Variants in ERC2 observed in about 807,000 individuals in gnomAD.
ERC2 encodes ELKS/RAB6-interacting/CAST family member 2.
In ERC2, 42 loss-of-function variants were observed where a neutral mutation model predicts 114.8. That is an observed-to-expected ratio of 0.37 (90% CI 0.29 to 0.47). ERC2 has a LOEUF of 0.47. ERC2 is among the 20% of genes least tolerant of loss of function. ERC2 has a pLI of 0.99. For missense variants in ERC2, 939 were observed against 1,150.7 expected (o/e 0.82, Z 2.66); for synonymous variants, 454 against 425.5 (o/e 1.07, Z -0.82).
rs367920861 is a variant in ERC2, at chr3:55,632,904, C to T, written c.*39+50890G>A. ...AGGCTAAAGGGTCCCAAATTAGTTTCGCCAGGACTAAACCACAAGTGTTCA... is the reference window on the plus strand; with the variant it reads ...AGGCTAAAGGGTCCCAAATTAGTTTTGCCAGGACTAAACCACAAGTGTTCA... On this transcript the variant is annotated intron_variant, in intron 17 of 17. Coordinates refer to ENST00000288221, the MANE Select transcript of ERC2 (RefSeq NM_015576.3). 1.6e-4 allele frequency among the ~76,000 whole-genome samples: 25 copies of T among 152,314 alleles called. No homozygotes were observed. In the East Asian group the frequency reaches 2.3e-3, roughly 14 times the overall value.
chr3:56,315,270 A>G (rs372366153), intron 2 of ERC2, among the ~76,000 whole-genome samples: 23 of 152,380 alleles, frequency 1.5e-4, no homozygotes, highest in African/African-American at 5.5e-4. Flanking sequence ...TTTTTCCTAA[A>G]AATCTATGTG....
chr3:56,467,740 T>G (rs1211834288), intron 1 of ERC2, among the ~76,000 whole-genome samples: 1 of 151,620 alleles, frequency 6.6e-6, no homozygotes, highest in Non-Finnish European at 1.5e-5. Flanking sequence ...TAAAAAAAAA[T>G]ATGCTCCCCT....
intron 17 of ERC2, among the ~76,000 whole-genome samples, chr3:55,525,490 G>A (rs1320280463): frequency 6.6e-6 from 1 of 152,210 alleles, no homozygotes; most frequent in Admixed American, 6.5e-5. Context: ...CCTCATAGAA[G>A]ATGACTTCCA....
intron 17 of ERC2, among the ~76,000 whole-genome samples, chr3:55,551,826 C>A (rs1473264341): frequency 1.3e-5 from 2 of 152,218 alleles, no homozygotes; most frequent in African/African-American, 4.8e-5. Flanking sequence ...GTTTGACCAA[C>A]TATCTGGGCA....
chr3:56,249,019 A>G (rs1006944025), intron 3 of ERC2, among the ~76,000 whole-genome samples: 4 of 152,230 alleles, frequency 2.6e-5, no homozygotes, highest in South Asian at 4.1e-4. Flanking sequence ...CTGTTAATGC[A>G]AAGTATAGTA....
chr3:56,397,922 A>AG (rs1345749040), intron 2 of ERC2, among the ~76,000 whole-genome samples: 1 of 152,180 alleles, frequency 6.6e-6, no homozygotes. Context: ...CAGCAGAAGA[A>AG]GGGGGGACAA....
chr3:56,241,689 C>T (rs1252706527), intron 3 of ERC2, among the ~76,000 whole-genome samples: 1 of 152,124 alleles, frequency 6.6e-6, no homozygotes, highest in Non-Finnish European at 1.5e-5. Context: ...CGAGTCTTTC[C>T]CTTACTACTT....
chr3:55,536,690 A>G (rs554038488), intron 17 of ERC2, among the ~76,000 whole-genome samples: 7 of 152,350 alleles, frequency 4.6e-5, no homozygotes, highest in African/African-American at 1.7e-4. Flanking sequence ...CTAAGGGGCT[A>G]CACTAAACAA....
intron 15 of ERC2, among the ~76,000 whole-genome samples, chr3:55,715,038 A>G (rs2064031562): frequency 6.6e-6 from 1 of 152,098 alleles, no homozygotes; most frequent in African/African-American, 2.4e-5. Context: ...AGTCCATTCA[A>G]TGGAGCACCC....
intron 3 of ERC2, among the ~76,000 whole-genome samples, chr3:56,259,068 G>A (rs1379075155): frequency 6.6e-6 from 1 of 151,040 alleles, no homozygotes; most frequent in Non-Finnish European, 1.5e-5. Flanking sequence ...CCACCTACCA[G>A]GTTCAAGTGA....
intron 3 of ERC2, among the ~76,000 whole-genome samples, chr3:56,216,722 C>T (rs112372663): frequency 1.2e-3 from 189 of 152,298 alleles, no homozygotes; most frequent in African/African-American, 4.4e-3. Flanking sequence ...CCTTGAGGAA[C>T]ATCGATGCAA....
intron 2 of ERC2, among the ~76,000 whole-genome samples, chr3:56,409,470 T>C (rs2060855685): frequency 6.6e-6 from 1 of 150,806 alleles, no homozygotes; most frequent in Non-Finnish European, 1.5e-5. Context: ...AAAAAAACCA[T>C]TGCATTGTTT....
At chr3:55,616,337 A>C (rs565178965) in intron 17 of ERC2, among the ~76,000 whole-genome samples, 1 of 152,308 alleles carries the variant, frequency 6.6e-6, no homozygotes, top group East Asian at 1.9e-4. Context: ...TACAATGGCC[A>C]GTTGTGGAAA....
intron 15 of ERC2, among the ~76,000 whole-genome samples, chr3:55,708,404 C>T (rs1057160725): frequency 6.6e-5 from 10 of 152,166 alleles, no homozygotes; most frequent in Non-Finnish European, 1.2e-4. Context: ...CTTAGTTAAG[C>T]GCAGGTCTGT....
At chr3:55,969,587 G>T (rs2149482752) in intron 12 of ERC2, among the ~76,000 whole-genome samples, 1 of 152,316 alleles carries the variant, frequency 6.6e-6, no homozygotes, top group Non-Finnish European at 1.5e-5. Context: ...TTGACCTGCA[G>T]TAAGCCAGCC....
In ERC2 at chr3:55,509,576, G is replaced by C. The variant is rs1240170129; in HGVS notation, c.*1740C>G. On this transcript the variant is annotated 3_prime_UTR_variant, in exon 18 of 18. Transcript: ENST00000288221. ...TACATAGTTTGTTATACTTACTGAT[G>C]ACAAGAACAAAGCCAGAAGCAAGAA... 6.6e-6 allele frequency: 1 copy of C among 152,562 alleles called. No individual in the cohort carries two copies. The highest frequency in any genetic ancestry group is 2.4e-5 in the African/African-American group (1 of 41,454). The allele number at this position is 152,562 out of a possible 1,614,324, so 9.5% of individuals were successfully genotyped here.
intron 13 of ERC2, among the ~76,000 whole-genome samples, chr3:55,905,636 G>T (rs1413016221): frequency 6.6e-6 from 1 of 152,180 alleles, no homozygotes; most frequent in African/African-American, 2.4e-5. Context: ...AATTTTGAAA[G>T]AGGCGGTATA....
intron 14 of ERC2, among the ~76,000 whole-genome samples, chr3:55,779,731 G>A (rs902216364): frequency 3.3e-5 from 5 of 152,100 alleles, no homozygotes; most frequent in Non-Finnish European, 2.9e-5. Flanking sequence ...TTAATAGTGG[G>A]AATTCCATAA....
intron 6 of ERC2, among the ~76,000 whole-genome samples, chr3:56,117,841 C>A (rs951494823): frequency 3.3e-5 from 5 of 152,214 alleles, no homozygotes; most frequent in African/African-American, 9.6e-5. Context: ...AAATGCTCAA[C>A]AACAGGCTGG....
Sources: gnomAD v4.1 joint callset for allele counts (sites outside exome capture counted in the v4.1 genomes callset) on GRCh38, gnomAD v4.1.1 for gene constraint, MANE v1.5 for transcripts, NCBI Gene and HGNC (gene_info 2026-07-23, HGNC 2026-07-21) for gene names.